SLC35D2: variants seen among roughly 807,000 people sequenced by gnomAD.
SLC35D2 encodes the protein nucleotide sugar transporter SLC35D2.
SLC35D2 carries 43 observed loss-of-function variants against 41.8 expected under a neutral mutation model. The ratio of observed to expected loss-of-function variants is 1.03; its 90% CI spans 0.81 to 1.33. The LOEUF (loss-of-function observed/expected upper bound fraction) is 1.33. SLC35D2 is among the 40% of genes most tolerant of loss of function. The probability of loss-of-function intolerance (pLI) is 0.00; values close to 1 mark genes in which losing one functional copy is unlikely to be tolerated. For missense variants in SLC35D2, 380 were observed against 408.4 expected (o/e 0.93, Z 0.60); for synonymous variants, 150 against 163.9 (o/e 0.92, Z 0.65).
At chr9:96,345,261 G>T in intron 7 of SLC35D2, 38 bp downstream of exon 7, 1 of 1,076,996 alleles carries the variant, frequency 9.3e-7, no homozygotes, top group Non-Finnish European at 1.4e-6. Context: ...CTAGGGGCCA[G>T]ATGACAGAGC....
intron 9 of SLC35D2, among the ~76,000 whole-genome samples, chr9:96,330,210 GC>G (rs1476476380): frequency 2.0e-5 from 3 of 152,196 alleles, no homozygotes; most frequent in African/African-American, 7.2e-5. Context: ...ATCTCTCCAT[GC>G]CCATGGCCAA....
chr9:96,360,154 C>T lies in SLC35D2; in HGVS notation c.347G>A (p.Ser116Asn). 6.2e-7 allele frequency: 1 copy of T among 1,610,994 alleles called. No homozygotes were observed. Residue 116 changes from serine (S) to asparagine (N), a missense_variant and splice_region_variant, in exon 4 of 12, where the codon AGC (serine) becomes AAC (asparagine). Physicochemically the swap from Ser to Asn is conservative, Grantham distance 46. Transcript: ENST00000253270. ...CACCAGCCATTATCCTATACTCTAC[C>T]TTAATTTACTTGTGCTTGATAATCC... is the stretch of plus-strand genomic sequence containing the variant. ...ISGLSSTSKL[S>N]LPMFTVLRKF... is the part of the protein sequence containing the mutation.
At chr9:96,322,384 G>T (rs967848444) in intron 10 of SLC35D2, among the ~76,000 whole-genome samples, 1 of 152,054 alleles carries the variant, frequency 6.6e-6, no homozygotes, top group Non-Finnish European at 1.5e-5. Flanking sequence ...AGCCGGGCAT[G>T]GTGGCACATG....
intron 1 of SLC35D2, among the ~76,000 whole-genome samples, chr9:96,374,666 C>A (rs1290828003): frequency 6.7e-6 from 1 of 150,088 alleles, no homozygotes; most frequent in Non-Finnish European, 1.5e-5. Context: ...AACCCCATCT[C>A]TACTAAAAAA....
At chr9:96,329,831 A>G (rs1344795633) in intron 9 of SLC35D2, among the ~76,000 whole-genome samples, 2 of 152,388 alleles carry the variant, frequency 1.3e-5, no homozygotes, top group Non-Finnish European at 2.9e-5. Flanking sequence ...TCAATAAAGG[A>G]ATCTATATTA....
At position 96,322,001 on chromosome 9, in the gene SLC35D2, ATATTTAAC is replaced by A; in HGVS notation, c.903_910del (p.Asn303HisfsTer19). 2.5e-6 allele frequency: 4 copies of A among 1,578,340 alleles called. No individual in the cohort carries two copies. Among genetic ancestry groups the A allele is most frequent in the Non-Finnish European group, 3.5e-6 (4 of 1,149,952 alleles). Reference sequence around the variant, plus strand: ...TCCATTAAAAATTCCCACTCACCAAATATTTAACCCTACAAAGTTTAACAAAGAGAAAA... The same window carrying A: ...TCCATTAAAAATTCCCACTCACCAAACCTACAAAGTTTAACAAAGAGAAAA... On this transcript the variant is annotated frameshift_variant, in exon 11 of 12. Transcript: ENST00000253270. LOFTEE classifies it low-confidence loss of function (END_TRUNC).
intron 3 of SLC35D2, 94 bp downstream of exon 3, chr9:96,364,370 G>A (rs186363630): frequency 5.2e-4 from 406 of 781,402 alleles, no homozygotes; most frequent in Non-Finnish European, 7.4e-4. Flanking sequence ...GTGCAGGCAG[G>A]AAGTACAGTG....
At chr9:96,326,954 C>A (rs1361569677) in intron 9 of SLC35D2, among the ~76,000 whole-genome samples, 2 of 152,148 alleles carry the variant, frequency 1.3e-5, no homozygotes, top group Non-Finnish European at 2.9e-5. Flanking sequence ...CCACTGAGTG[C>A]CTGCTCTGCC....
intron 3 of SLC35D2, 71 bp downstream of exon 3, chr9:96,364,393 G>A (rs1830398115): frequency 2.1e-6 from 2 of 941,308 alleles, no homozygotes; most frequent in Non-Finnish European, 1.7e-6. Flanking sequence ...TATAGAAATT[G>A]ACCTGTACTC....
rs145542605 is a variant in SLC35D2 at position 96,364,277 on chromosome 9, G to T, written c.279+187C>A. On this transcript the variant is annotated intron_variant, in intron 3 of 11. Transcript: ENST00000253270. ...TTGAACCCAGGAGGCGGAGATTGCA[G>T]TGAGCCAAGATCACACCATTGCACT... is the stretch of plus-strand genomic sequence containing the variant. Among the ~76,000 whole-genome samples the T allele has an allele frequency of 6.5e-3, 988 of 152,344 alleles. 3 individuals are homozygous for T. The highest frequency in any genetic ancestry group is 0.01 in the Non-Finnish European group (691 of 68,038).
intron 8 of SLC35D2, 36 bp from the exon 9 acceptor site, chr9:96,336,820 A>C (rs370577275): frequency 8.4e-7 from 1 of 1,191,226 alleles, no homozygotes; most frequent in African/African-American, 1.5e-5. Flanking sequence ...TGATTAGGTT[A>C]ATAATACTGC....
At chr9:96,374,164 C>T (rs1326621920) in intron 1 of SLC35D2, 2 of 152,192 alleles carry the variant, frequency 1.3e-5, no homozygotes, top group African/African-American at 4.8e-5. Context: ...GGCCCCATTT[C>T]CAACTCCTTT....
chr9:96,362,766 T>G (rs184680903), intron 3 of SLC35D2, among the ~76,000 whole-genome samples: 3 of 152,164 alleles, frequency 2.0e-5, no homozygotes, highest in Non-Finnish European at 2.9e-5. Context: ...AAAGTAAGAG[T>G]AAGTAAGCCC....
chr9:96,359,079 C>T lies in SLC35D2; in HGVS notation c.347+1075G>A, dbSNP rs573772177. ...CAGCACTTTGAGAGGCTGAGGCGGG[C>T]GGATCACGAGGTCAGGAGATGGAGA... On this transcript the variant is annotated intron_variant, in intron 4 of 11. Transcript: ENST00000253270. 1.3e-4 allele frequency among the ~76,000 whole-genome samples: 19 copies of T among 149,996 alleles called. No individual in the cohort carries two copies. The South Asian group carries it at 1.7e-3, about 13-fold the overall frequency.
Position 96,324,142 on chromosome 9 carries a change from C to A in SLC35D2, c.780G>T (p.Leu260=). ...LGFLLMYSTV[L]CSYYNSALTT... ...TCAGGGCTGAATTGTAATAGCTGCA[C>A]AGAACCGTGGAGTACATCAGCAGAA... is the stretch of plus-strand genomic sequence containing the variant. Residue 260 remains leucine, a synonymous_variant, in exon 10 of 12, where the codon CTG becomes CTT. Coordinates refer to ENST00000253270, the MANE Select transcript of SLC35D2 (RefSeq NM_007001.3). 1 of 1,613,970 alleles carries A rather than the reference C, an allele frequency of 6.2e-7. No homozygotes were observed. The highest frequency in any genetic ancestry group is 8.5e-7 in the Non-Finnish European group (1 of 1,179,910).
intron 1 of SLC35D2, among the ~76,000 whole-genome samples, chr9:96,371,718 CTTTTTTTT>C (rs774105070): frequency 1.1e-5 from 1 of 90,590 alleles, no homozygotes; most frequent in Non-Finnish European, 2.1e-5. Context: ...AACTAAATTT[CTTTTTTTT>C]TTTTTTTTTT....
chr9:96,382,311 C>T lies in SLC35D2; in HGVS notation c.158+1166G>A, dbSNP rs965682335. Among the ~76,000 whole-genome samples the T allele has an allele frequency of 2.6e-5, 4 of 151,754 alleles. No individual in the cohort carries two copies. The South Asian group carries it at 8.3e-4, about 32-fold the overall frequency. On this transcript the variant is annotated intron_variant, in intron 1 of 11. Transcript: ENST00000253270. ...CTCTACAAAAAATCAAAAAAATTGC[C>T]GGTGCAGTGGTGCACACCTATGGTC...
chr9:96,326,593 G>C (rs77268294), intron 9 of SLC35D2, among the ~76,000 whole-genome samples: 20,241 of 151,956 alleles, frequency 0.13, 1,804 homozygotes, highest in East Asian at 0.28. Flanking sequence ...CACAAGGTCA[G>C]GAGATTGAGA....
At chr9:96,367,358 A>G (rs527627300) in intron 2 of SLC35D2, among the ~76,000 whole-genome samples, 2 of 152,320 alleles carry the variant, frequency 1.3e-5, no homozygotes, top group South Asian at 4.1e-4. Context: ...TCAAAATCAA[A>G]ACAAACAAAC....
Sources: gnomAD v4.1 joint callset for allele counts (sites outside exome capture counted in the v4.1 genomes callset) on GRCh38, gnomAD v4.1.1 for gene constraint, MANE v1.5 for transcripts, NCBI Gene and HGNC (gene_info 2026-07-23, HGNC 2026-07-21) for gene names.